MYO5B: variants seen among roughly 807,000 people sequenced by gnomAD.
MYO5B encodes the protein myosin VB.
A neutral mutation model predicts 229.3 loss-of-function variants in MYO5B; 143 were observed. The observed-to-expected ratio is 0.62, with a 90% CI of 0.54 to 0.72. The LOEUF (loss-of-function observed/expected upper bound fraction) is 0.72. Among genes scored for constraint, MYO5B ranks in the 30% least tolerant of loss-of-function variants. MYO5B has a pLI of 0.00. For missense variants in MYO5B, 2,321 were observed against 2,331.0 expected (o/e 1.00, Z 0.09); for synonymous variants, 918 against 885.2 (o/e 1.04, Z -0.66).
intron 1 of MYO5B, among the ~76,000 whole-genome samples, chr18:50,185,423 G>C (rs4939954): frequency 0.51 from 77,806 of 151,950 alleles, 20,081 homozygotes; most frequent in Admixed American, 0.59. Flanking sequence ...AGCAATTCCA[G>C]CTTTAGGAAT....
At chr18:50,009,553 T>A (rs1452636123) in intron 4 of MYO5B, among the ~76,000 whole-genome samples, 1 of 152,116 alleles carries the variant, frequency 6.6e-6, no homozygotes, top group Admixed American at 6.6e-5. Context: ...AAAAATCAGA[T>A]TCGGGGAACG....
At chr18:49,983,172 C>CA (rs2025834483) in intron 8 of MYO5B, among the ~76,000 whole-genome samples, 2 of 152,190 alleles carry the variant, frequency 1.3e-5, no homozygotes, top group African/African-American at 4.8e-5. Context: ...CAAACTGAAG[C>CA]TGGGCCCTGT....
intron 1 of MYO5B, among the ~76,000 whole-genome samples, chr18:50,119,516 C>T (rs965460699): frequency 1.3e-5 from 2 of 152,148 alleles, no homozygotes; most frequent in Non-Finnish European, 2.9e-5. Context: ...GTTCGCATGA[C>T]AGGGTCAGAG....
Position 50,066,617 on chromosome 18 carries a change from G to A in MYO5B, c.28-11239C>T, listed in dbSNP as rs141465186. On this transcript the variant is annotated intron_variant, in intron 1 of 39. Transcript: ENST00000285039. ...ACAATAATACCATCTAAAATTCTAG[G>A]ATATCAGAAGGAAAAAATGTTCCCG... Among the ~76,000 whole-genome samples the A allele has an allele frequency of 6.8e-4, 103 of 152,262 alleles. 1 individual carries two copies. The highest frequency in any genetic ancestry group is 2.5e-3 in the African/African-American group (102 of 41,552).
At position 49,847,298 on chromosome 18, in the gene MYO5B, G is replaced by C; in HGVS notation, c.4316-9C>G. 6.2e-7 allele frequency: 1 copy of C among 1,612,704 alleles called. No individual in the cohort carries two copies. Among genetic ancestry groups the C allele is most frequent in the Non-Finnish European group, 8.5e-7 (1 of 1,179,792 alleles). On this transcript the variant is annotated splice_polypyrimidine_tract_variant and intron_variant, in intron 32 of 39. Coordinates refer to ENST00000285039, the MANE Select transcript of MYO5B (RefSeq NM_001080467.3). ...GGCCAATGCCTGGGCAGCTGAGCAG[G>C]AAAGAAAACAGGAAGCATGGATGAG... is the stretch of plus-strand genomic sequence containing the variant.
At chr18:49,851,041 T>C (rs1431365578) in intron 31 of MYO5B, 1 of 152,200 alleles carries the variant, frequency 6.6e-6, no homozygotes, top group Non-Finnish European at 1.5e-5. Context: ...GATAAAGCAT[T>C]TCTTATGTCT....
chr18:50,087,891 GTAAC>G (rs1245285672), intron 1 of MYO5B, among the ~76,000 whole-genome samples: 4 of 152,180 alleles, frequency 2.6e-5, no homozygotes, highest in Admixed American at 6.5e-5. Flanking sequence ...GGGAAGCACA[GTAAC>G]TAACAGTGTG....
intron 4 of MYO5B, among the ~76,000 whole-genome samples, chr18:50,018,363 C>T (rs533411772): frequency 1.1e-4 from 17 of 150,226 alleles, no homozygotes; most frequent in Admixed American, 1.1e-3. Context: ...ATATTTTCTG[C>T]ATGTCTCCAC....
At chr18:49,990,313 A>C in intron 7 of MYO5B, 126 bp downstream of exon 7, 6 of 741,014 alleles carry the variant, frequency 8.1e-6, no homozygotes, top group Middle Eastern at 3.6e-4. Flanking sequence ...CCTAGGGGTT[A>C]TGGCCACATA....
chr18:49,886,366 A>G (rs1164824163), intron 22 of MYO5B, among the ~76,000 whole-genome samples: 1 of 152,186 alleles, frequency 6.6e-6, no homozygotes, highest in East Asian at 1.9e-4. Context: ...ATGAGTTACA[A>G]GAAGGAGGCT....
intron 1 of MYO5B, among the ~76,000 whole-genome samples, chr18:50,071,213 C>T (rs964138490): frequency 1.1e-4 from 17 of 152,212 alleles, no homozygotes; most frequent in Non-Finnish European, 2.1e-4. Flanking sequence ...CTCCCTTCCT[C>T]CACTGTTATT....
intron 1 of MYO5B, chr18:50,097,164 G>A: frequency 2.2e-6 from 1 of 446,544 alleles, no homozygotes. Context: ...CATTGCTGGT[G>A]TCTTCCCTGA....
At chr18:50,069,617 T>C (rs2144444737) in intron 1 of MYO5B, among the ~76,000 whole-genome samples, 2 of 152,276 alleles carry the variant, frequency 1.3e-5, no homozygotes, top group South Asian at 4.1e-4. Context: ...TAGAGAGTAA[T>C]TGCAGTTTTC....
intron 1 of MYO5B, among the ~76,000 whole-genome samples, chr18:50,181,794 T>C (rs1177686419): frequency 6.6e-6 from 1 of 152,146 alleles, no homozygotes; most frequent in Non-Finnish European, 1.5e-5. Context: ...CACAGTAAAA[T>C]GGCAATTAAA....
chr18:50,117,473 C>T (rs2031983539), intron 1 of MYO5B, among the ~76,000 whole-genome samples: 1 of 152,118 alleles, frequency 6.6e-6, no homozygotes, highest in Non-Finnish European at 1.5e-5. Flanking sequence ...ATGGAATTTT[C>T]AAAGTTTAGA....
chr18:50,070,825 A>T (rs562816576), intron 1 of MYO5B, among the ~76,000 whole-genome samples: 6 of 129,240 alleles, frequency 4.6e-5, no homozygotes, highest in Admixed American at 1.6e-4. Context: ...CCTGCATACC[A>T]TCTCATCCCA....
chr18:49,955,879 G>A (rs539241481), intron 12 of MYO5B, among the ~76,000 whole-genome samples: 3 of 152,336 alleles, frequency 2.0e-5, no homozygotes, highest in Non-Finnish European at 2.9e-5. Context: ...TGGGACAGAG[G>A]ACGAACACAA....
chr18:49,984,948 T>C, intron 7 of MYO5B, 123 bp from the exon 8 acceptor site: 1 of 734,480 alleles, frequency 1.4e-6, no homozygotes, highest in Non-Finnish European at 2.5e-6. Context: ...CCCAGCTGGA[T>C]GTGAAACTCT....
chr18:49,955,867 G>A (rs906446782), intron 12 of MYO5B, among the ~76,000 whole-genome samples: 2 of 152,212 alleles, frequency 1.3e-5, no homozygotes, highest in African/African-American at 4.8e-5. Context: ...GTCAGGACCG[G>A]GTGGGACAGA....
Sources: gnomAD v4.1 joint callset for allele counts (sites outside exome capture counted in the v4.1 genomes callset) on GRCh38, gnomAD v4.1.1 for gene constraint, MANE v1.5 for transcripts, NCBI Gene and HGNC (gene_info 2026-07-23, HGNC 2026-07-21) for gene names.